Variants in R3HDM2 observed in about 807,000 individuals in gnomAD.
R3HDM2 encodes the protein R3H domain containing 2, also known as R3H domain-containing protein 2.
R3HDM2 carries 38 observed loss-of-function variants against 124.5 expected under a neutral mutation model. The ratio of observed to expected loss-of-function variants is 0.31; its 90% CI spans 0.24 to 0.40. R3HDM2 has a LOEUF of 0.40. Among genes scored for constraint, R3HDM2 ranks in the 10% least tolerant of loss-of-function variants. The pLI, the probability that R3HDM2 is intolerant of heterozygous loss-of-function variation, is 1.00. For synonymous variants in R3HDM2, 391 were observed against 448.0 expected, an observed-to-expected ratio of 0.87 and a Z score of 1.61; for missense variants, 869 against 1,236.9, an observed-to-expected ratio of 0.70 and a Z score of 4.46.
intron 2 of R3HDM2, among the ~76,000 whole-genome samples, chr12:57,375,367 T>C (rs2063907904): frequency 6.6e-6 from 1 of 152,104 alleles, no homozygotes; most frequent in African/African-American, 2.4e-5. Flanking sequence ...AAACAAATGG[T>C]ATCGAAAAAA....
At chr12:57,382,869 T>TTTTA (rs989266359) in intron 2 of R3HDM2, among the ~76,000 whole-genome samples, 1 of 151,456 alleles carries the variant, frequency 6.6e-6, no homozygotes, top group Non-Finnish European at 1.5e-5. Context: ...ATAAAATAAT[T>TTTTA]TTTATTTATT....
intron 3 of R3HDM2, among the ~76,000 whole-genome samples, chr12:57,309,651 T>C (rs1357717500): frequency 6.6e-6 from 1 of 152,206 alleles, no homozygotes; most frequent in East Asian, 1.9e-4. Flanking sequence ...GTTTTAAGAG[T>C]TTATTATATG....
chr12:57,331,924 A>AG (rs1340336754), intron 2 of R3HDM2, among the ~76,000 whole-genome samples: 1 of 151,688 alleles, frequency 6.6e-6, no homozygotes, highest in Non-Finnish European at 1.5e-5. Flanking sequence ...AAAAAAAAAA[A>AG]AAATTTTTTT....
At chr12:57,257,688 G>A (rs2136982645) in intron 21 of R3HDM2, among the ~76,000 whole-genome samples, 1 of 152,258 alleles carries the variant, frequency 6.6e-6, no homozygotes, top group Non-Finnish European at 1.5e-5. Context: ...ACTTGGTACT[G>A]ATATTAGGTT....
At chr12:57,318,671 AAAAG>A (rs898615281) in intron 2 of R3HDM2, among the ~76,000 whole-genome samples, 2 of 152,124 alleles carry the variant, frequency 1.3e-5, no homozygotes, top group African/African-American at 2.4e-5. Flanking sequence ...AAGAAAAGAA[AAAAG>A]AAAGAAAGAA....
chr12:57,406,160 A>G (rs1213613959), intron 1 of R3HDM2, among the ~76,000 whole-genome samples: 1 of 152,022 alleles, frequency 6.6e-6, no homozygotes, highest in East Asian at 1.9e-4. Context: ...CATTTCTACT[A>G]AAAATACAAA....
chr12:57,272,488 G>C (rs761356001), intron 14 of R3HDM2: 7 of 1,550,682 alleles, frequency 4.5e-6, no homozygotes, highest in Non-Finnish European at 6.1e-6. Context: ...ACTGGCAGAA[G>C]GACTTGGGGA....
chr12:57,279,901 TC>T (rs1271904492), intron 14 of R3HDM2, among the ~76,000 whole-genome samples: 1 of 151,910 alleles, frequency 6.6e-6, no homozygotes, highest in African/African-American at 2.4e-5. Flanking sequence ...ATGGAAGGGG[TC>T]TTGAGTGTTA....
chr12:57,254,657 T>TAACA lies in R3HDM2; in HGVS notation c.*115_*116insTGTT, dbSNP rs1387818226. 30 of 897,944 alleles carry TAACA rather than the reference T, an allele frequency of 3.3e-5. No homozygotes were observed. Among genetic ancestry groups the TAACA allele is most frequent in the African/African-American group, 6.7e-5 (4 of 59,496 alleles). 55.6% of individuals were successfully genotyped at this position (897,944 alleles called of 1,614,324 possible). ...TTCCATCTTCATCACTGTCTTAGGT[T>TAACA]CCAGTTTAACATCAGTTTCCTTACT... On this transcript the variant is annotated 3_prime_UTR_variant, in exon 24 of 24. Transcript: ENST00000402412.
chr12:57,393,809 C>G (rs180854788), intron 2 of R3HDM2, among the ~76,000 whole-genome samples: 1 of 152,258 alleles, frequency 6.6e-6, no homozygotes, highest in South Asian at 2.1e-4. Flanking sequence ...ATCTTGAAAG[C>G]GGCACAAGTG....
intron 3 of R3HDM2, among the ~76,000 whole-genome samples, chr12:57,305,051 G>T (rs2052251635): frequency 6.6e-6 from 1 of 152,146 alleles, no homozygotes; most frequent in Non-Finnish European, 1.5e-5. Context: ...CAGGCGTGGT[G>T]GTGGGCACCT....
At chr12:57,303,940 G>C (rs776810275) in intron 3 of R3HDM2, among the ~76,000 whole-genome samples, 100 of 152,308 alleles carry the variant, frequency 6.6e-4, no homozygotes, top group Non-Finnish European at 7.9e-4. Flanking sequence ...ACCACAGCAT[G>C]AAAGAGTGTT....
intron 2 of R3HDM2, among the ~76,000 whole-genome samples, chr12:57,313,572 A>T (rs1022008158): frequency 1.2e-4 from 18 of 151,604 alleles, no homozygotes; most frequent in East Asian, 3.9e-4. Context: ...TCAAAAAAAA[A>T]AAAAATAATA....
Position 57,395,735 on chromosome 12 carries a change from TTA to T in R3HDM2, c.-36+12_-36+13del, listed in dbSNP as rs2067411345. The T allele has an allele frequency of 3.1e-6, 3 of 971,214 alleles. No individual in the cohort carries two copies. Among genetic ancestry groups the T allele is most frequent in the Admixed American group, 6.2e-5 (1 of 16,232 alleles). The allele number at this position is 971,214 out of a possible 1,614,324, so 60.2% of individuals were successfully genotyped here. A position where few individuals can be genotyped will look rare whatever the true frequency, so the allele number is the denominator to read the frequency against. On this transcript the variant is annotated intron_variant, in intron 2 of 23. Transcript: ENST00000402412. The stretch of plus-strand genomic sequence containing the variant: ...GAACACAGAAAGTGCTCCATAAATG[TTA>T]TCTATTATTACCTGAATAAATGCTC...
rs1490948666 is a variant in R3HDM2, at chr12:57,380,776, A to G, written c.-36+14973T>C. Among the ~76,000 whole-genome samples the G allele has an allele frequency of 3.3e-5, 5 of 152,322 alleles. No individual in the cohort carries two copies. In the East Asian group the frequency reaches 9.6e-4, roughly 29 times the overall value. On this transcript the variant is annotated intron_variant, in intron 2 of 23. Transcript: ENST00000402412. ...AAAATTCAAAGCTTTCTTAAAAAAA[A>G]AGACACAAAAGCCAAAAAGCTACAA... is the stretch of plus-strand genomic sequence containing the variant.
chr12:57,289,976 T>C (rs940534180), intron 11 of R3HDM2, among the ~76,000 whole-genome samples: 5 of 152,220 alleles, frequency 3.3e-5, no homozygotes, highest in African/African-American at 1.2e-4. Flanking sequence ...CTTTCTGAGA[T>C]TCCTGATGCC....
At chr12:57,343,847 C>T (rs148468087) in intron 2 of R3HDM2, among the ~76,000 whole-genome samples, 21 of 151,544 alleles carry the variant, frequency 1.4e-4, no homozygotes, top group East Asian at 7.8e-4. Flanking sequence ...AGGCTGATCC[C>T]GCAGGGCCAA....
At position 57,269,852 on chromosome 12, in the gene R3HDM2, G is replaced by C. The variant is rs773004795; in HGVS notation, c.1487C>G (p.Thr496Arg). The C allele has an allele frequency of 1.2e-6, 2 of 1,614,130 alleles. No homozygotes were observed. ...PQQTSFIMAS[T>R]GQPLPTSNYS... is the part of the protein sequence containing the mutation. ...GTTGGAAGTGGGGAGGGGCTGACCC[G>C]TGGAAGCCATGATGAAGCTAGTCTG... The change falls in exon 15 of 24, where the codon ACG (threonine) becomes AGG (arginine). Residue 496 changes from threonine (T) to arginine (R), a missense_variant. By Grantham distance (71) the Thr-to-Arg change is moderately conservative. Transcript: ENST00000402412.
intron 2 of R3HDM2, among the ~76,000 whole-genome samples, chr12:57,371,309 C>T (rs1171450213): frequency 2.6e-5 from 4 of 151,052 alleles, no homozygotes; most frequent in Admixed American, 6.6e-5. Context: ...GCAGTGATAT[C>T]AAGGGAGAGA....
Sources: allele counts gnomAD v4.1 joint callset (sites outside exome capture counted in the v4.1 genomes callset), GRCh38; gene constraint gnomAD v4.1.1; transcripts MANE v1.5; gene names NCBI Gene and HGNC (gene_info 2026-07-23, HGNC 2026-07-21).